Variants in NKAIN2 observed in about 807,000 individuals in gnomAD.
NKAIN2 encodes the protein sodium/potassium transporting ATPase interacting 2.
A neutral mutation model predicts 32.6 loss-of-function variants in NKAIN2; 14 were observed. The ratio of observed to expected loss-of-function variants is 0.43; its 90% CI spans 0.28 to 0.67. NKAIN2 has a LOEUF of 0.67. Among genes scored for constraint, NKAIN2 ranks in the 30% least tolerant of loss-of-function variants. The probability of loss-of-function intolerance (pLI) is 0.17; values close to 1 mark genes in which losing one functional copy is unlikely to be tolerated. For synonymous variants in NKAIN2, 80 were observed against 87.2 expected (o/e 0.92, Z 0.46); for missense variants, 198 against 258.3 (o/e 0.77, Z 1.60).
chr6:123,893,208 A>G (rs1774102992), intron 1 of NKAIN2, among the ~76,000 whole-genome samples: 1 of 151,882 alleles, frequency 6.6e-6, no homozygotes, highest in Non-Finnish European at 1.5e-5. Context: ...TATAGAATAT[A>G]TATATTTTTT....
chr6:124,809,004 C>A (rs147510800), intron 5 of NKAIN2, among the ~76,000 whole-genome samples: 1 of 152,134 alleles, frequency 6.6e-6, no homozygotes, highest in Admixed American at 6.5e-5. Flanking sequence ...AATGGAAGAA[C>A]ATTCCATGCT....
At chr6:123,907,610 A>G (rs1343775166) in intron 1 of NKAIN2, among the ~76,000 whole-genome samples, 1 of 152,158 alleles carries the variant, frequency 6.6e-6, no homozygotes, top group South Asian at 2.1e-4. Flanking sequence ...AAGTTGTACC[A>G]TTACTTATAT....
intron 1 of NKAIN2, among the ~76,000 whole-genome samples, chr6:123,881,325 A>G (rs1773443845): frequency 6.6e-6 from 1 of 152,160 alleles, no homozygotes; most frequent in Non-Finnish European, 1.5e-5. Context: ...CCCGGACACT[A>G]GGGATTTTAT....
chr6:123,969,959 A>G (rs1423063760), intron 1 of NKAIN2, among the ~76,000 whole-genome samples: 1 of 152,230 alleles, frequency 6.6e-6, no homozygotes, highest in Non-Finnish European at 1.5e-5. Flanking sequence ...GAATAATTCA[A>G]TCAAAGGATA....
intron 4 of NKAIN2, among the ~76,000 whole-genome samples, chr6:124,781,728 G>C (rs1189917774): frequency 6.6e-6 from 1 of 152,086 alleles, no homozygotes; most frequent in African/African-American, 2.4e-5. Flanking sequence ...AGGTAACTCA[G>C]ATGGAAAGGA....
intron 3 of NKAIN2, among the ~76,000 whole-genome samples, chr6:124,370,802 T>C (rs1799726918): frequency 6.6e-6 from 1 of 152,076 alleles, no homozygotes; most frequent in Non-Finnish European, 1.5e-5. Context: ...TTCTTGCAAT[T>C]GCTTCTGAAG....
intron 2 of NKAIN2, among the ~76,000 whole-genome samples, chr6:124,341,623 G>C (rs1798118936): frequency 1.3e-5 from 2 of 152,100 alleles, no homozygotes; most frequent in Non-Finnish European, 2.9e-5. Context: ...TATGACAGCA[G>C]CACTGATAAA....
chr6:124,711,858 G>C (rs2114606726), intron 4 of NKAIN2, among the ~76,000 whole-genome samples: 1 of 152,256 alleles, frequency 6.6e-6, no homozygotes, highest in African/African-American at 2.4e-5. Flanking sequence ...TCCATTGCTG[G>C]TGAGGAACTG....
chr6:124,311,366 A>G (rs1055451737), intron 2 of NKAIN2, among the ~76,000 whole-genome samples: 9 of 152,154 alleles, frequency 5.9e-5, no homozygotes, highest in African/African-American at 9.6e-5. Context: ...CGCATTTAAT[A>G]GGATTATGGA....
chr6:124,466,431 C>A (rs1046332184), intron 3 of NKAIN2, among the ~76,000 whole-genome samples: 1 of 152,064 alleles, frequency 6.6e-6, no homozygotes, highest in Non-Finnish European at 1.5e-5. Flanking sequence ...ATAAAGGTCA[C>A]CTGCCCTTGG....
At chr6:123,908,281 C>T (rs1029060221) in intron 1 of NKAIN2, among the ~76,000 whole-genome samples, 1 of 152,002 alleles carries the variant, frequency 6.6e-6, no homozygotes, top group African/African-American at 2.4e-5. Context: ...AATATACCTC[C>T]TTAAGATTTG....
chr6:123,919,596 C>G (rs1297874624), intron 1 of NKAIN2, among the ~76,000 whole-genome samples: 1 of 152,058 alleles, frequency 6.6e-6, no homozygotes, highest in Non-Finnish European at 1.5e-5. Flanking sequence ...GTTCAGTTTT[C>G]AAAGCCTCTG....
At chr6:124,331,067 A>G (rs1038851556) in intron 2 of NKAIN2, among the ~76,000 whole-genome samples, 2 of 152,204 alleles carry the variant, frequency 1.3e-5, no homozygotes, top group South Asian at 2.1e-4. Flanking sequence ...CATCTACTAC[A>G]ATCTGAGTTC....
At chr6:124,259,297 A>C (rs1281291153) in intron 1 of NKAIN2, among the ~76,000 whole-genome samples, 8 of 152,152 alleles carry the variant, frequency 5.3e-5, no homozygotes, top group Middle Eastern at 3.2e-3. Flanking sequence ...GAAAGCAGAG[A>C]GGGGTACAGA....
intron 3 of NKAIN2, among the ~76,000 whole-genome samples, chr6:124,633,751 C>G (rs926564496): frequency 1.3e-5 from 2 of 152,160 alleles, no homozygotes; most frequent in African/African-American, 2.4e-5. Context: ...GCCCAGTACC[C>G]GTGCACACCA....
chr6:123,941,607 T>C lies in NKAIN2; in HGVS notation c.54+137353T>C, dbSNP rs530979909. 2.6e-5 allele frequency among the ~76,000 whole-genome samples: 4 copies of C among 152,010 alleles called. No homozygotes were observed. In the South Asian group the frequency reaches 6.2e-4, roughly 24 times the overall value. ...TGGTGCACGACTATGTATATAAATA[T>C]ATAAAGAAGGTACTTCAAACACAAA... On this transcript the variant is annotated intron_variant, in intron 1 of 6. Coordinates refer to ENST00000368417, the MANE Select transcript of NKAIN2 (RefSeq NM_001040214.3).
chr6:124,772,612 C>T (rs902264443), intron 4 of NKAIN2, among the ~76,000 whole-genome samples: 1 of 152,142 alleles, frequency 6.6e-6, no homozygotes, highest in Non-Finnish European at 1.5e-5. Context: ...AATCTGGCTT[C>T]CCCACCTCCT....
chr6:124,660,734 C>T (rs549122447), intron 4 of NKAIN2, among the ~76,000 whole-genome samples: 1 of 152,204 alleles, frequency 6.6e-6, no homozygotes, highest in Non-Finnish European at 1.5e-5. Flanking sequence ...GGCACAGCCA[C>T]GGCATTACTT....
intron 3 of NKAIN2, among the ~76,000 whole-genome samples, chr6:124,632,339 G>GA (rs1044182611): frequency 6.6e-6 from 1 of 152,114 alleles, no homozygotes; most frequent in African/African-American, 2.4e-5. Context: ...TTTTAAATAA[G>GA]AAGGCATAAG....
Sources: allele counts gnomAD v4.1 joint callset (sites outside exome capture counted in the v4.1 genomes callset), GRCh38; gene constraint gnomAD v4.1.1; transcripts MANE v1.5; gene names NCBI Gene and HGNC (gene_info 2026-07-23, HGNC 2026-07-21).